Variants in TENM1 observed in about 807,000 individuals in gnomAD.
TENM1 encodes the protein teneurin-1.
In TENM1, 35 loss-of-function variants were observed where a neutral mutation model predicts 174.8. The ratio of observed to expected loss-of-function variants is 0.20; its 90% confidence interval spans 0.15 to 0.27. The LOEUF is 0.27. Ranked by LOEUF, TENM1 falls within the 10% of genes least tolerant of loss-of-function variation. TENM1 has a pLI of 1.00. For missense variants in TENM1, 1,633 were observed against 2,130.1 expected, an observed-to-expected ratio of 0.77 and a Z score of 4.59; for synonymous variants, 781 against 798.7, an observed-to-expected ratio of 0.98 and a Z score of 0.37.
intron 11 of TENM1, among the ~76,000 whole-genome samples, chrX:124,584,836 A>G (rs371304017): frequency 4.5e-5 from 5 of 110,633 alleles, no homozygotes; most frequent in African/African-American, 6.6e-5. Context: ...AAAGGATGGA[A>G]GAAGATCTAC....
At chrX:124,934,435 C>T (rs1248439196) in intron 1 of TENM1, among the ~76,000 whole-genome samples, 2 of 112,475 alleles carry the variant, frequency 1.8e-5, no homozygotes, top group East Asian at 5.6e-4. Flanking sequence ...TTTGGAGACA[C>T]TGCTGCTATT....
At chrX:125,144,362 A>G in the TENM1 span, among the ~76,000 whole-genome samples, 4 of 111,980 alleles carry the variant, frequency 3.6e-5, no homozygotes, top group East Asian at 1.1e-3. Flanking sequence ...GCCACTTTCC[A>G]AAATGATTAT....
the TENM1 span, among the ~76,000 whole-genome samples, chrX:124,988,078 T>C: frequency 9.0e-6 from 1 of 111,591 alleles, no homozygotes; most frequent in African/African-American, 3.2e-5. Flanking sequence ...AAGCCTTTTG[T>C]AGTAATTCGG....
the TENM1 span, among the ~76,000 whole-genome samples, chrX:124,969,756 C>T: frequency 1.8e-5 from 2 of 109,787 alleles, no homozygotes; most frequent in Non-Finnish European, 3.8e-5. Context: ...CTTAACCACT[C>T]GTCTACACTG....
intron 25 of TENM1, among the ~76,000 whole-genome samples, chrX:124,416,940 G>T (rs2060600467): frequency 8.9e-6 from 1 of 111,827 alleles, no homozygotes; most frequent in South Asian, 3.8e-4. Flanking sequence ...GGACTCAGCA[G>T]GCAGTGCCAT....
chrX:124,717,118 C>T (rs2053203157), intron 4 of TENM1, among the ~76,000 whole-genome samples: 1 of 111,403 alleles, frequency 9.0e-6, no homozygotes, highest in Non-Finnish European at 1.9e-5. Flanking sequence ...TCTGAGGAGG[C>T]AGGGACTGAA....
chrX:124,886,999 CA>C (rs1298706446), intron 3 of TENM1, among the ~76,000 whole-genome samples: 4 of 110,565 alleles, frequency 3.6e-5, no homozygotes, highest in Non-Finnish European at 5.7e-5. Context: ...TATGGGAAAA[CA>C]GGCACTTTTA....
At chrX:124,860,759 G>A (rs73215153) in intron 3 of TENM1, among the ~76,000 whole-genome samples, 5,410 of 111,309 alleles carry the variant, frequency 0.049, 250 homozygotes, top group African/African-American at 0.14. Flanking sequence ...AAGACCAACC[G>A]CTTCGTTGGA....
At chrX:124,996,098 C>G in the TENM1 span, among the ~76,000 whole-genome samples, 2 of 111,213 alleles carry the variant, frequency 1.8e-5, no homozygotes, top group Non-Finnish European at 3.8e-5. Context: ...TTATTTTAAA[C>G]CAATAAGTGG....
intron 23 of TENM1, among the ~76,000 whole-genome samples, chrX:124,450,270 G>C (rs754033024): frequency 5.5e-5 from 6 of 108,959 alleles, no homozygotes; most frequent in African/African-American, 2.0e-4. Context: ...TGAGGCAGGA[G>C]AATGGCGTGA....
the TENM1 span, among the ~76,000 whole-genome samples, chrX:125,113,460 A>G: frequency 9.0e-6 from 1 of 111,474 alleles, no homozygotes; most frequent in Non-Finnish European, 1.9e-5. Context: ...TTAAAAGACA[A>G]GGACTGGCAA....
At chrX:124,381,448 C>T (rs2060155872) in intron 31 of TENM1, among the ~76,000 whole-genome samples, 154 bp from the exon 35 acceptor site, 1 of 111,654 alleles carries the variant, frequency 9.0e-6, no homozygotes, top group Non-Finnish European at 1.9e-5. Context: ...GGAATCTCTT[C>T]ATCAGAGATT....
intron 3 of TENM1, among the ~76,000 whole-genome samples, chrX:124,833,993 C>G (rs141662644): frequency 0.016 from 1,718 of 110,530 alleles, 35 homozygotes; most frequent in African/African-American, 0.051. Context: ...AATCTGAGCT[C>G]TGTGAGGTCT....
chrX:124,818,198 C>T (rs1214414487), intron 3 of TENM1, among the ~76,000 whole-genome samples: 1 of 111,657 alleles, frequency 9.0e-6, no homozygotes, highest in Non-Finnish European at 1.9e-5. Flanking sequence ...CAGATTTGTA[C>T]TGAATGTGAT....
chrX:125,105,194 T>C, the TENM1 span, among the ~76,000 whole-genome samples: 1 of 111,597 alleles, frequency 9.0e-6, no homozygotes, highest in Admixed American at 9.5e-5. Context: ...GGCAGCTTGA[T>C]ACACACAAAA....
the TENM1 span, among the ~76,000 whole-genome samples, chrX:125,026,058 AAAAT>A: frequency 9.0e-6 from 1 of 111,210 alleles, no homozygotes; most frequent in South Asian, 3.7e-4. Flanking sequence ...GAAAAAGTAA[AAAAT>A]AAGTACAGAA....
the TENM1 span, among the ~76,000 whole-genome samples, chrX:125,182,681 G>A: frequency 1.3e-4 from 15 of 111,401 alleles, no homozygotes; most frequent in Non-Finnish European, 2.5e-4. Flanking sequence ...TCTCTACTAT[G>A]AGCTTATGAG....
the TENM1 span, among the ~76,000 whole-genome samples, chrX:125,052,159 A>G: frequency 1.1e-4 from 12 of 111,936 alleles, no homozygotes; most frequent in Non-Finnish European, 2.3e-4. Context: ...GTAGAATCTT[A>G]AAAGTGACAG....
At chrX:124,811,947 T>C (rs1199424751) in intron 3 of TENM1, among the ~76,000 whole-genome samples, 1 of 111,369 alleles carries the variant, frequency 9.0e-6, no homozygotes, top group Non-Finnish European at 1.9e-5. Context: ...GAGAGTATAA[T>C]AGAATGAAGA....
Sources: allele counts gnomAD v4.1 joint callset (sites outside exome capture counted in the v4.1 genomes callset), GRCh38; gene constraint gnomAD v4.1.1; transcripts MANE v1.5; gene names NCBI Gene and HGNC (gene_info 2026-07-23, HGNC 2026-07-21).